The following PTPN2 variants were observed in gnomAD, a reference collection of about 807,000 sequenced individuals.
PTPN2 encodes tyrosine-protein phosphatase non-receptor type 2.
A neutral mutation model predicts 57.3 loss-of-function variants in PTPN2; 19 were observed. That is an observed-to-expected ratio of 0.33 (90% confidence interval 0.23 to 0.49). The LOEUF is 0.49. PTPN2 is among the 20% of genes least tolerant of loss of function. The pLI is 0.99. For missense variants in PTPN2, 358 were observed against 501.1 expected (o/e 0.71, Z 2.73); for synonymous variants, 153 against 164.9 (o/e 0.93, Z 0.55).
chr18:12,872,675 C>T (rs144116920), intron 1 of PTPN2, among the ~76,000 whole-genome samples: 53 of 152,162 alleles, frequency 3.5e-4, no homozygotes, highest in African/African-American at 1.0e-3. Context: ...GCTAAGTTTG[C>T]GGGGGATTGT....
At chr18:12,866,107 A>G (rs1400874507) in intron 1 of PTPN2, among the ~76,000 whole-genome samples, 1 of 152,246 alleles carries the variant, frequency 6.6e-6, no homozygotes, top group Non-Finnish European at 1.5e-5. Context: ...AAGTAATGAT[A>G]CATACAACAC....
chr18:12,826,679 C>A (rs2042472216), intron 4 of PTPN2, among the ~76,000 whole-genome samples: 2 of 152,092 alleles, frequency 1.3e-5, no homozygotes, highest in Admixed American at 1.3e-4. Context: ...AGCAATTCTC[C>A]TGCCTCAGCC....
intron 2 of PTPN2, among the ~76,000 whole-genome samples, chr18:12,842,559 G>T (rs1285288993): frequency 6.6e-6 from 1 of 152,176 alleles, no homozygotes; most frequent in Non-Finnish European, 1.5e-5. Context: ...CAGTCTCACG[G>T]ATATTTTAGT....
chr18:12,838,199 C>T (rs910425571), intron 2 of PTPN2, among the ~76,000 whole-genome samples: 2 of 152,188 alleles, frequency 1.3e-5, no homozygotes, highest in Non-Finnish European at 2.9e-5. Context: ...TGTATTTCCT[C>T]ATGTTGTAAT....
chr18:12,845,828 A>G (rs1462077544), intron 2 of PTPN2, among the ~76,000 whole-genome samples: 1 of 152,202 alleles, frequency 6.6e-6, no homozygotes, highest in Admixed American at 6.5e-5. Context: ...ATACCTGATT[A>G]TTCCATTTTT....
At chr18:12,875,584 A>G (rs2044460702) in intron 1 of PTPN2, among the ~76,000 whole-genome samples, 1 of 152,218 alleles carries the variant, frequency 6.6e-6, no homozygotes, top group South Asian at 2.1e-4. Flanking sequence ...TTAAGAAAAA[A>G]CTACCTTAAT....
exon 10 of PTPN2, chr18:12,785,530 G>A (rs2040826771): frequency 2.2e-6 from 1 of 452,690 alleles, no homozygotes; most frequent in Non-Finnish European, 3.9e-6. Context: ...AATACAGTAG[G>A]AATGGCAGTA....
At chr18:12,823,143 T>C in intron 5 of PTPN2, among the ~76,000 whole-genome samples, 1 of 152,144 alleles carries the variant, frequency 6.6e-6, no homozygotes. Context: ...CTAGTTCTAA[T>C]TAAAAATTAT....
chr18:12,802,818 A>C (rs1194068523), intron 7 of PTPN2, among the ~76,000 whole-genome samples: 1 of 152,234 alleles, frequency 6.6e-6, no homozygotes, highest in Non-Finnish European at 1.5e-5. Context: ...AAAAGCTGCA[A>C]GAATTTATTA....
chr18:12,805,860 C>A lies in PTPN2; in HGVS notation c.859-3709G>T, dbSNP rs573763634. Among the ~76,000 whole-genome samples, 33 of 152,144 alleles carry A rather than the reference C, an allele frequency of 2.2e-4. 1 individual carries two copies. The highest frequency in any genetic ancestry group is 8.0e-4 in the African/African-American group (33 of 41,496). ...GGCCAGGGTGGTCTCAATCTCTTGA[C>A]CTCATGATCTGCCCATCTCAGCCCC... On this transcript the variant is annotated intron_variant, in intron 7 of 8. Coordinates refer to ENST00000309660, the MANE Select transcript of PTPN2 (RefSeq NM_002828.4).
downstream of PTPN2, chr18:12,787,881 G>C (rs148559518): frequency 1.2e-4 from 18 of 154,442 alleles, 1 homozygote; most frequent in East Asian, 2.9e-3. Flanking sequence ...AAAGGCGCAA[G>C]GGCCGGGTGG....
intron 7 of PTPN2, among the ~76,000 whole-genome samples, chr18:12,808,031 A>C (rs777538770): frequency 9.9e-5 from 15 of 151,894 alleles, no homozygotes; most frequent in Non-Finnish European, 1.9e-4. Context: ...AAAAATTTAA[A>C]AATTAGCCAT....
chr18:12,799,576 C>G (rs1358533878), intron 8 of PTPN2, among the ~76,000 whole-genome samples: 3 of 149,390 alleles, frequency 2.0e-5, no homozygotes, highest in African/African-American at 7.6e-5. Context: ...TGATCCTATG[C>G]TCTTCTTTTA....
chr18:12,817,057 C>G (rs1568106037), intron 6 of PTPN2, 99 bp downstream of exon 6: 2 of 1,162,506 alleles, frequency 1.7e-6, no homozygotes, highest in Non-Finnish European at 2.5e-6. Context: ...TGAAAAACCT[C>G]AGTTCTGGGA....
Position 12,814,275 on chromosome 18 carries a change from T to C in PTPN2, c.786A>G (p.Pro262=). The C allele has an allele frequency of 6.2e-7, 1 of 1,605,800 alleles. No homozygotes were observed. The highest frequency in any genetic ancestry group is 8.5e-7 in the Non-Finnish European group (1 of 1,173,584). ...RKYRMGLIQT[P]DQLRFSYMAI... ...CCATGTATGAGAATCTCAGTTGATC[T>C]GGGGTCTGAATAAGACCCATTCGGT... Residue 262 remains proline (P), a synonymous_variant, in exon 7 of 9, where the codon CCA becomes CCG. Coordinates refer to ENST00000309660, the MANE Select transcript of PTPN2 (RefSeq NM_002828.4).
chr18:12,860,887 A>T lies in PTPN2; in HGVS notation c.70-1633T>A, dbSNP rs185386965. Among the ~76,000 whole-genome samples the T allele has an allele frequency of 3.4e-4, 52 of 152,364 alleles. No individual in the cohort carries two copies. The East Asian group carries it at 9.6e-3, about 28-fold the overall frequency. ...CAGGAAACAGTGTTCTAAGAATTCA[A>T]GTAAATACAGAAATGTAACAGAAAC... is the stretch of plus-strand genomic sequence containing the variant. On this transcript the variant is annotated intron_variant, in intron 1 of 8. Transcript: ENST00000309660.
At chr18:12,822,873 G>A (rs1318063305) in intron 5 of PTPN2, among the ~76,000 whole-genome samples, 1 of 152,020 alleles carries the variant, frequency 6.6e-6, no homozygotes, top group Non-Finnish European at 1.5e-5. Context: ...TGTGGCTCCC[G>A]CACCATCATG....
chr18:12,791,917 T>G (rs936575617), downstream of PTPN2, among the ~76,000 whole-genome samples: 1 of 152,222 alleles, frequency 6.6e-6, no homozygotes, highest in African/African-American at 2.4e-5. Flanking sequence ...CAACTGGAAA[T>G]GTCATAAGGT....
At chr18:12,873,549 G>A (rs531487766) in intron 1 of PTPN2, among the ~76,000 whole-genome samples, 54 of 152,312 alleles carry the variant, frequency 3.5e-4, no homozygotes, top group Admixed American at 2.3e-3. Flanking sequence ...CTCGGCCTCC[G>A]GAGGTGCCGG....
Sources: allele counts gnomAD v4.1 joint callset (sites outside exome capture counted in the v4.1 genomes callset), GRCh38; gene constraint gnomAD v4.1.1; transcripts MANE v1.5; gene names NCBI Gene and HGNC (gene_info 2026-07-23, HGNC 2026-07-21).